The following NAALADL2 variants were observed in gnomAD, a reference collection of about 807,000 sequenced individuals.
NAALADL2 encodes the protein N-acetylated alpha-linked acidic dipeptidase like 2.
A neutral mutation model predicts 87.2 loss-of-function variants in NAALADL2; 76 were observed. That is an observed-to-expected ratio of 0.87 (90% CI 0.72 to 1.05). NAALADL2 has a LOEUF of 1.05. Ranked by LOEUF, NAALADL2 falls within the 50% of genes least tolerant of loss-of-function variation. The probability of loss-of-function intolerance (pLI) is 0.00; values close to 1 mark genes in which losing one functional copy is unlikely to be tolerated. For synonymous variants in NAALADL2, 354 were observed against 331.0 expected (o/e 1.07, Z -0.75); for missense variants, 1,089 against 945.8 (o/e 1.15, Z -1.99).
At chr3:174,983,087 C>T (rs987263169) in intron 1 of NAALADL2, among the ~76,000 whole-genome samples, 5 of 152,154 alleles carry the variant, frequency 3.3e-5, no homozygotes, top group Admixed American at 2.0e-4. Context: ...CGTGAGCCAC[C>T]GCGCCCAGCC....
intron 11 of NAALADL2, among the ~76,000 whole-genome samples, chr3:175,649,144 T>C (rs1730410015): frequency 6.6e-6 from 1 of 152,194 alleles, no homozygotes; most frequent in Non-Finnish European, 1.5e-5. Context: ...GCATCAGCAA[T>C]TTATTTCATA....
chr3:174,744,350 CCACTAG>C (rs1734049725), intron 3 of NAALADL2, among the ~76,000 whole-genome samples: 1 of 151,546 alleles, frequency 6.6e-6, no homozygotes, highest in Non-Finnish European at 1.5e-5. Context: ...ATTAAGAAGG[CCACTAG>C]CATTACATAG....
intron 2 of NAALADL2, among the ~76,000 whole-genome samples, chr3:175,105,532 TC>T (rs933900516): frequency 2.2e-4 from 32 of 146,254 alleles, no homozygotes; most frequent in African/African-American, 8.1e-4. Context: ...TTTTATACAT[TC>T]ATATATTTAT....
At chr3:175,529,230 C>T (rs1282711648) in intron 9 of NAALADL2, among the ~76,000 whole-genome samples, 1 of 152,214 alleles carries the variant, frequency 6.6e-6, no homozygotes, top group Non-Finnish European at 1.5e-5. Flanking sequence ...CCCCAGACAA[C>T]ACTGTAACTC....
At chr3:174,478,039 C>T (rs1717318195) in intron 1 of NAALADL2, among the ~76,000 whole-genome samples, 1 of 152,088 alleles carries the variant, frequency 6.6e-6, no homozygotes, top group Non-Finnish European at 1.5e-5. Flanking sequence ...TACCAATACT[C>T]AGTTGTTGGT....
chr3:174,572,451 T>C (rs1396412776), intron 2 of NAALADL2, among the ~76,000 whole-genome samples: 1 of 152,210 alleles, frequency 6.6e-6, no homozygotes. Context: ...AATGATGAAC[T>C]TGAGAAGCAT....
At chr3:174,947,306 A>C (rs1382174313) in intron 1 of NAALADL2, among the ~76,000 whole-genome samples, 1 of 152,080 alleles carries the variant, frequency 6.6e-6, no homozygotes, top group Non-Finnish European at 1.5e-5. Context: ...GCACAAGATT[A>C]CATGTTCAGT....
At chr3:175,570,128 C>A (rs1372989600) in intron 9 of NAALADL2, among the ~76,000 whole-genome samples, 2 of 152,086 alleles carry the variant, frequency 1.3e-5, no homozygotes, top group African/African-American at 2.4e-5. Flanking sequence ...TCTTAAAAAG[C>A]TTATTTTTGG....
chr3:174,850,116 GTCTGGGAAAGTATT>G (rs1725084310), intron 3 of NAALADL2, among the ~76,000 whole-genome samples: 1 of 152,008 alleles, frequency 6.6e-6, no homozygotes, highest in African/African-American at 2.4e-5. Context: ...GCTTTTGTTT[GTCTGGGAAAGTATT>G]TCTCCCTCAT....
In NAALADL2 at chr3:175,658,505, A is replaced by G. The variant is rs148816745; in HGVS notation, c.1896+31119A>G. ...TTGAGGTTAGCTAGTATTGAGGACT[A>G]TAAAAATCTTTGATAGTTTAATGGG... On this transcript the variant is annotated intron_variant, in intron 11 of 13. Transcript: ENST00000454872. Among the ~76,000 whole-genome samples the G allele has an allele frequency of 6.9e-4, 105 of 152,242 alleles. 1 individual carries two copies. The highest frequency in any genetic ancestry group is 2.4e-3 in the African/African-American group (100 of 41,560).
intron 3 of NAALADL2, among the ~76,000 whole-genome samples, chr3:175,241,045 G>T (rs1399348791): frequency 6.6e-6 from 1 of 151,952 alleles, no homozygotes; most frequent in African/African-American, 2.4e-5. Flanking sequence ...CCATCTTTTG[G>T]CAACAGTGCA....
chr3:174,979,349 A>G (rs1274134403), intron 1 of NAALADL2, among the ~76,000 whole-genome samples: 1 of 120,946 alleles, frequency 8.3e-6, no homozygotes, highest in Non-Finnish European at 1.6e-5. Context: ...TCTGTTGCCC[A>G]GGCTGGAGTG....
At chr3:175,783,586 C>A (rs1751464612) in intron 13 of NAALADL2, among the ~76,000 whole-genome samples, 1 of 152,008 alleles carries the variant, frequency 6.6e-6, no homozygotes, top group Admixed American at 6.5e-5. Flanking sequence ...TGCTTATCAG[C>A]TTAAGGAGAT....
chr3:174,801,817 T>C (rs1718868368), intron 3 of NAALADL2, among the ~76,000 whole-genome samples: 1 of 151,898 alleles, frequency 6.6e-6, no homozygotes, highest in Non-Finnish European at 1.5e-5. Flanking sequence ...TGATTTAATG[T>C]TTAAAGCATG....
chr3:175,449,830 AAGAT>A (rs1431356416), intron 6 of NAALADL2, among the ~76,000 whole-genome samples: 11 of 152,236 alleles, frequency 7.2e-5, no homozygotes, highest in Non-Finnish European at 1.5e-5. Context: ...TAAAGCAAGA[AAGAT>A]AGGCCTACTT....
chr3:174,865,075 G>A (rs949992419), intron 1 of NAALADL2, among the ~76,000 whole-genome samples: 1 of 151,910 alleles, frequency 6.6e-6, no homozygotes, highest in Non-Finnish European at 1.5e-5. Flanking sequence ...CATCTGCATA[G>A]TCGAACACTT....
intron 2 of NAALADL2, among the ~76,000 whole-genome samples, chr3:174,627,506 T>C (rs2108684064): frequency 6.6e-6 from 1 of 152,334 alleles, no homozygotes; most frequent in Non-Finnish European, 1.5e-5. Flanking sequence ...TAGTACAACA[T>C]CTGTGGGAAA....
intron 1 of NAALADL2, among the ~76,000 whole-genome samples, chr3:174,873,404 A>G (rs570849023): frequency 6.6e-6 from 1 of 152,094 alleles, no homozygotes; most frequent in Non-Finnish European, 1.5e-5. Context: ...ACAGGGGCAC[A>G]TCACTATGCC....
At chr3:174,628,262 G>T (rs1440576125) in intron 2 of NAALADL2, among the ~76,000 whole-genome samples, 1 of 152,016 alleles carries the variant, frequency 6.6e-6, no homozygotes, top group Non-Finnish European at 1.5e-5. Flanking sequence ...CGAATCATGA[G>T]GTCAGGAGTT....
Sources: gnomAD v4.1 joint callset for allele counts (sites outside exome capture counted in the v4.1 genomes callset) on GRCh38, gnomAD v4.1.1 for gene constraint, MANE v1.5 for transcripts, NCBI Gene and HGNC (gene_info 2026-07-23, HGNC 2026-07-21) for gene names.